Variants in HYKK observed in about 807,000 individuals in gnomAD.
HYKK encodes 5-hydroxy-L-lysine kinase.
Under a neutral mutation model 29.7 loss-of-function variants are expected in HYKK, and 19 were observed. The ratio of observed to expected loss-of-function variants is 0.64; its 90% CI spans 0.45 to 0.94. The LOEUF is 0.94. Among genes scored for constraint, HYKK ranks in the 40% least tolerant of loss-of-function variants. The pLI is 0.00. For synonymous variants in HYKK, 152 were observed against 158.1 expected, an observed-to-expected ratio of 0.96 and a Z score of 0.29; for missense variants, 390 against 443.4, an observed-to-expected ratio of 0.88 and a Z score of 1.08.
intron 1 of HYKK, among the ~76,000 whole-genome samples, chr15:78,508,047 T>C (rs1185333309): frequency 1.3e-5 from 2 of 152,070 alleles, no homozygotes; most frequent in African/African-American, 4.8e-5. Flanking sequence ...GCCCTCCTCC[T>C]CTCTTTTCCT....
At position 78,513,226 on chromosome 15, in the gene HYKK, A is replaced by G. The variant is rs2052092531; in HGVS notation, c.138A>G (p.Gln46=). Residue 46 remains glutamine (Q), a synonymous_variant, in exon 2 of 5, where the codon CAA becomes CAG. Transcript: ENST00000388988. ...KVRPLPSYDD[Q]NFHVYVSKTK... ...GGCCACTTCCTAGCTATGATGACCAAAACTTTCATGTCTACGTTTCAAAAA... is the reference window on the plus strand; with the variant it reads ...GGCCACTTCCTAGCTATGATGACCAGAACTTTCATGTCTACGTTTCAAAAA... 6.2e-7 allele frequency: 1 copy of G among 1,614,082 alleles called. No homozygotes were observed. Among genetic ancestry groups the G allele is most frequent in the African/African-American group, 1.3e-5 (1 of 74,920 alleles).
Position 78,535,837 on chromosome 15 carries a change from C to G in HYKK, c.*2167C>G, listed in dbSNP as rs1704319454. The G allele has an allele frequency of 6.6e-6, 1 of 152,344 alleles. No homozygotes were observed. The highest frequency in any genetic ancestry group is 2.4e-5 in the African/African-American group (1 of 41,418). The allele number at this position is 152,344 out of a possible 1,614,324, so 9.4% of individuals were successfully genotyped here. On this transcript the variant is annotated 3_prime_UTR_variant, in exon 5 of 5. Transcript: ENST00000388988. ...GGCTCAAGCAATCCTCCCACCTCAG[C>G]CTCCTGAGTAGCTGGGACTACAGGC...
chr15:78,527,285 CAAAA>C (rs564443255), intron 3 of HYKK, 91 bp from the exon 4 acceptor site: 5,304 of 752,708 alleles, frequency 7.0e-3, no homozygotes, highest in East Asian at 0.012. Context: ...GACTCTGTCT[CAAAA>C]AAAAAAAAAA....
In HYKK at chr15:78,534,068, C is replaced by T. The variant is rs570019304; in HGVS notation, c.*398C>T. On this transcript the variant is annotated 3_prime_UTR_variant, in exon 5 of 5. Transcript: ENST00000388988. Reference sequence around the variant, plus strand: ...GGACATAACATACTGACCTAGATAACATACTACCAGTTCTATGAAACCTCC... The same window carrying T: ...GGACATAACATACTGACCTAGATAATATACTACCAGTTCTATGAAACCTCC... 3.1e-5 allele frequency: 5 copies of T among 159,946 alleles called. No homozygotes were observed. Among genetic ancestry groups the T allele is most frequent in the Admixed American group, 2.5e-4 (4 of 16,192 alleles). The allele number at this position is 159,946 out of a possible 1,614,324, so 9.9% of individuals were successfully genotyped here.
intron 1 of HYKK, among the ~76,000 whole-genome samples, chr15:78,508,896 A>AAAAAAAAAAAAG (rs1489748649): frequency 6.7e-6 from 1 of 148,232 alleles, no homozygotes; most frequent in Non-Finnish European, 1.5e-5. Context: ...AAAAAAAAAA[A>AAAAAAAAAAAAG]AAAAGGCCAG....
chr15:78,513,890 C>T (rs1364659449), intron 2 of HYKK, among the ~76,000 whole-genome samples: 1 of 152,158 alleles, frequency 6.6e-6, no homozygotes, highest in Non-Finnish European at 1.5e-5. Flanking sequence ...CTCCTGGGCT[C>T]AGGTGATCCT....
intron 1 of HYKK, among the ~76,000 whole-genome samples, chr15:78,510,739 C>T (rs567403257): frequency 1.6e-4 from 25 of 152,258 alleles, no homozygotes; most frequent in African/African-American, 5.1e-4. Context: ...TTCTCAGAAG[C>T]GCTCTTTCTT....
chr15:78,529,229 A>C (rs1339867995), intron 4 of HYKK, among the ~76,000 whole-genome samples: 1 of 152,068 alleles, frequency 6.6e-6, no homozygotes, highest in Non-Finnish European at 1.5e-5. Flanking sequence ...TCTGCGTGTC[A>C]TTGCATATGC....
chr15:78,511,971 T>G (rs2052077713), intron 1 of HYKK, among the ~76,000 whole-genome samples: 1 of 152,226 alleles, frequency 6.6e-6, no homozygotes, highest in South Asian at 2.1e-4. Context: ...TTGGCAGATA[T>G]TAATTTCATA....
chr15:78,533,727 C>A lies in HYKK; in HGVS notation c.*57C>A. On this transcript the variant is annotated 3_prime_UTR_variant, in exon 5 of 5. Transcript: ENST00000388988. ...TAACTTGGGTAATTAAAATAGGACC[C>A]AGTCAAATTTTAGGAAGGATTTTCC... The A allele has an allele frequency of 7.8e-7, 1 of 1,278,438 alleles. No homozygotes were observed. Among genetic ancestry groups the A allele is most frequent in the Non-Finnish European group, 1.1e-6 (1 of 899,940 alleles). 79.2% of individuals were successfully genotyped at this position (1,278,438 alleles called of 1,614,324 possible). A position where few individuals can be genotyped will look rare whatever the true frequency, so the allele number is the denominator to read the frequency against.
At chr15:78,529,632 T>C (rs977751047) in intron 4 of HYKK, among the ~76,000 whole-genome samples, 3 of 152,270 alleles carry the variant, frequency 2.0e-5, no homozygotes, top group African/African-American at 4.8e-5. Flanking sequence ...AATCCATCTC[T>C]CTATTTATTG....
At chr15:78,512,659 C>T (rs1026617838) in intron 1 of HYKK, among the ~76,000 whole-genome samples, 2 of 152,064 alleles carry the variant, frequency 1.3e-5, no homozygotes, top group Non-Finnish European at 2.9e-5. Context: ...GCCTCAGCCT[C>T]CCAAAGTGCT....
chr15:78,532,756 C>T (rs1490151295), intron 4 of HYKK, among the ~76,000 whole-genome samples: 1 of 152,112 alleles, frequency 6.6e-6, no homozygotes, highest in Non-Finnish European at 1.5e-5. Flanking sequence ...GACTGTGCCA[C>T]AGTACTCCAG....
Position 78,507,591 on chromosome 15 carries a change from C to T in HYKK, c.-86C>T, listed in dbSNP as rs1260774544. 2 of 152,410 alleles carry T rather than the reference C, an allele frequency of 1.3e-5. No individual in the cohort carries two copies. The highest frequency in any genetic ancestry group is 6.5e-5 in the Admixed American group (1 of 15,286). 9.4% of individuals were successfully genotyped at this position (152,410 alleles called of 1,614,324 possible). A position where few individuals can be genotyped will look rare whatever the true frequency, so the allele number is the denominator to read the frequency against. On this transcript the variant is annotated 5_prime_UTR_variant, in exon 1 of 5. Transcript: ENST00000388988. ...GGGCGCTGCGGCCCCTGCTCTACCT[C>T]CTAGCGCCGGTGCGCGGCCGAGGCC...
chr15:78,508,138 C>T (rs976086118), intron 1 of HYKK, among the ~76,000 whole-genome samples: 3 of 152,214 alleles, frequency 2.0e-5, no homozygotes, highest in Non-Finnish European at 4.4e-5. Flanking sequence ...CCCTTAAAAG[C>T]ACCTAGTAAT....
chr15:78,525,590 C>T (rs922523021), intron 3 of HYKK, among the ~76,000 whole-genome samples: 17 of 152,128 alleles, frequency 1.1e-4, no homozygotes, highest in African/African-American at 4.1e-4. Flanking sequence ...CTCCGCCCTC[C>T]AGGTTCAAGC....
chr15:78,525,584 G>T (rs1160029956), intron 3 of HYKK, among the ~76,000 whole-genome samples: 1 of 151,732 alleles, frequency 6.6e-6, no homozygotes, highest in South Asian at 2.1e-4. Context: ...TGCAACCTCC[G>T]CCCTCCAGGT....
intron 1 of HYKK, among the ~76,000 whole-genome samples, chr15:78,512,194 A>G (rs1285238348): frequency 6.6e-6 from 1 of 152,144 alleles, no homozygotes; most frequent in Non-Finnish European, 1.5e-5. Context: ...GACTCACACA[A>G]TACTTAGCTC....
intron 3 of HYKK, among the ~76,000 whole-genome samples, chr15:78,516,799 C>T (rs1225342201): frequency 0.015 from 1 of 66 alleles, no homozygotes; most frequent in African/African-American, 0.12. Flanking sequence ...GCAGGAGGAT[C>T]ACTCTAAGGC....
Sources: allele counts gnomAD v4.1 joint callset (sites outside exome capture counted in the v4.1 genomes callset), GRCh38; gene constraint gnomAD v4.1.1; transcripts MANE v1.5; gene names NCBI Gene and HGNC (gene_info 2026-07-23, HGNC 2026-07-21).